The following PDE10A variants were observed in gnomAD, a reference collection of about 807,000 sequenced individuals.
PDE10A encodes the protein phosphodiesterase 10A.
In PDE10A, 39 loss-of-function variants were observed where a neutral mutation model predicts 97.7. That is an observed-to-expected ratio of 0.40 (90% CI 0.31 to 0.52). The LOEUF (loss-of-function observed/expected upper bound fraction) is 0.52. Ranked by LOEUF, PDE10A falls within the 20% of genes least tolerant of loss-of-function variation. PDE10A has a pLI of 0.56. For synonymous variants in PDE10A, 371 were observed against 376.8 expected (o/e 0.98, Z 0.18); for missense variants, 731 against 1,047.8 (o/e 0.70, Z 4.17).
At chr6:165,549,063 T>A (rs1783881239) in intron 1 of PDE10A, among the ~76,000 whole-genome samples, 1 of 152,224 alleles carries the variant, frequency 6.6e-6, no homozygotes, top group Admixed American at 6.5e-5. Context: ...AAGAACCTAG[T>A]CGATCTCAAC....
intron 1 of PDE10A, among the ~76,000 whole-genome samples, chr6:165,691,107 C>CTCTCCCCT (rs1554305960): frequency 7.5e-5 from 1 of 13,402 alleles, no homozygotes; most frequent in African/African-American, 1.9e-4. Flanking sequence ...CTTTCTCTCT[C>CTCTCCCCT]CCCCCCCCCA....
At chr6:165,339,411 T>C in intron 19 of PDE10A, 53 bp from the exon 20 acceptor site, 1 of 1,026,620 alleles carries the variant, frequency 9.7e-7, no homozygotes, top group Non-Finnish European at 1.5e-6. Flanking sequence ...ATTGCTATAC[T>C]ATTTTGATAT....
intron 1 of PDE10A, among the ~76,000 whole-genome samples, chr6:165,898,105 C>T: frequency 6.6e-6 from 1 of 151,634 alleles, no homozygotes; most frequent in East Asian, 1.9e-4. Flanking sequence ...TAGTCCCCCT[C>T]CACCCCCCAT....
intron 1 of PDE10A, among the ~76,000 whole-genome samples, chr6:165,729,082 G>C (rs1477892844): frequency 6.6e-6 from 1 of 151,798 alleles, no homozygotes. Context: ...TATTCCTGTG[G>C]TCCCAGCTAC....
chr6:165,379,427 T>G, intron 17 of PDE10A, 61 bp from the exon 18 acceptor site: 1 of 1,315,382 alleles, frequency 7.6e-7, no homozygotes, highest in East Asian at 2.4e-5. Flanking sequence ...TCTTATGACA[T>G]TTTTAGTTAT....
At chr6:165,953,979 C>T (rs1162043735) in intron 1 of PDE10A, among the ~76,000 whole-genome samples, 2 of 152,250 alleles carry the variant, frequency 1.3e-5, no homozygotes, top group African/African-American at 4.8e-5. Flanking sequence ...ATAGTTTCAT[C>T]TTTTCCAGAA....
intron 1 of PDE10A, among the ~76,000 whole-genome samples, chr6:165,649,573 T>C (rs1392792233): frequency 6.6e-6 from 1 of 152,104 alleles, no homozygotes; most frequent in Non-Finnish European, 1.5e-5. Context: ...CCTAGACCCC[T>C]AGCCCCGGTA....
chr6:165,498,422 CCA>C (rs2128293020), intron 2 of PDE10A, among the ~76,000 whole-genome samples: 1 of 20,842 alleles, frequency 4.8e-5, no homozygotes, highest in Admixed American at 8.1e-4. Flanking sequence ...GACCCTGTCT[CCA>C]AAAAAAAAAA....
chr6:165,723,958 C>T (rs956334012), intron 1 of PDE10A, among the ~76,000 whole-genome samples: 19 of 152,012 alleles, frequency 1.2e-4, no homozygotes, highest in Non-Finnish European at 1.8e-4. Flanking sequence ...GAGAAGTGCG[C>T]GTCACAGGTT....
At chr6:165,928,059 T>C (rs7763916) in intron 1 of PDE10A, among the ~76,000 whole-genome samples, 30,021 of 150,426 alleles carry the variant, frequency 0.2, 3,228 homozygotes, top group East Asian at 0.27. Flanking sequence ...ACTATTTATA[T>C]GTAATTAAAC....
intron 1 of PDE10A, among the ~76,000 whole-genome samples, chr6:165,562,938 A>T (rs919306854): frequency 6.6e-6 from 1 of 152,060 alleles, no homozygotes; most frequent in Non-Finnish European, 1.5e-5. Context: ...GTTGCCTAAC[A>T]TCCTATGGTG....
chr6:165,922,166 G>A (rs1782773377), intron 1 of PDE10A, among the ~76,000 whole-genome samples: 1 of 152,196 alleles, frequency 6.6e-6, no homozygotes, highest in Admixed American at 6.5e-5. Context: ...GAAAGCATGG[G>A]ATCTCCATCA....
chr6:165,978,987 G>C (rs1440208298), intron 1 of PDE10A, among the ~76,000 whole-genome samples: 2 of 152,210 alleles, frequency 1.3e-5, no homozygotes, highest in Non-Finnish European at 2.9e-5. Context: ...GTAACAACAT[G>C]TTTGTGATGG....
At chr6:165,716,138 G>A (rs1792020937) in intron 1 of PDE10A, among the ~76,000 whole-genome samples, 1 of 152,218 alleles carries the variant, frequency 6.6e-6, no homozygotes, top group South Asian at 2.1e-4. Flanking sequence ...CCCGGCCCCA[G>A]CTACAGAGGT....
At chr6:165,969,991 T>C (rs556087941) in intron 1 of PDE10A, among the ~76,000 whole-genome samples, 82 of 151,784 alleles carry the variant, frequency 5.4e-4, no homozygotes, top group Admixed American at 1.4e-3. Flanking sequence ...TGGAAGACAC[T>C]AACTTAAGCT....
intron 19 of PDE10A, among the ~76,000 whole-genome samples, chr6:165,341,199 C>T (rs1357469497): frequency 6.6e-6 from 1 of 152,128 alleles, no homozygotes; most frequent in Non-Finnish European, 1.5e-5. Flanking sequence ...CCTGCTTCTT[C>T]CTGTGGACTA....
chr6:165,428,711 TG>T lies in PDE10A; in HGVS notation c.1602-3del. On this transcript the variant is annotated splice_region_variant and splice_polypyrimidine_tract_variant and intron_variant, in intron 9 of 21. Coordinates refer to ENST00000539869, the MANE Select transcript of PDE10A (RefSeq NM_001385079.1). ...GCAACTATGTTATCAAAATATGTTC[TG>T]AAAAAAAGAAACATAAATCCTGTAA... The T allele has an allele frequency of 8.5e-7, 1 of 1,174,338 alleles. No homozygotes were observed. The highest frequency in any genetic ancestry group is 1.3e-6 in the Non-Finnish European group (1 of 797,832). 72.7% of individuals were successfully genotyped at this position (1,174,338 alleles called of 1,614,324 possible). A position where few individuals can be genotyped will look rare whatever the true frequency, so the allele number is the denominator to read the frequency against.
intron 1 of PDE10A, among the ~76,000 whole-genome samples, chr6:165,678,213 G>GTC (rs1790872053): frequency 6.7e-6 from 1 of 148,644 alleles, no homozygotes; most frequent in African/African-American, 2.5e-5. Flanking sequence ...GTGTGTCTGT[G>GTC]TGTGTATATG....
At chr6:165,941,214 G>A (rs1471404810) in intron 1 of PDE10A, among the ~76,000 whole-genome samples, 1 of 152,182 alleles carries the variant, frequency 6.6e-6, no homozygotes, top group Non-Finnish European at 1.5e-5. Flanking sequence ...TAAACCAGAT[G>A]ATACCAGTAA....
Sources: allele counts gnomAD v4.1 joint callset (sites outside exome capture counted in the v4.1 genomes callset), GRCh38; gene constraint gnomAD v4.1.1; transcripts MANE v1.5; gene names NCBI Gene and HGNC (gene_info 2026-07-23, HGNC 2026-07-21).